The following IPP variants were observed in gnomAD, a reference collection of about 807,000 sequenced individuals.
IPP encodes the protein intracisternal A particle-promoted polypeptide.
A neutral mutation model predicts 64.1 loss-of-function variants in IPP; 41 were observed. The observed-to-expected ratio is 0.64, with a 90% CI of 0.50 to 0.83. The LOEUF (loss-of-function observed/expected upper bound fraction) is 0.83. IPP is among the 40% of genes least tolerant of loss of function. The pLI, the probability that IPP is intolerant of heterozygous loss-of-function variation, is 0.00. For missense variants in IPP, 649 were observed against 703.0 expected, an observed-to-expected ratio of 0.92 and a Z score of 0.87; for synonymous variants, 214 against 235.2, an observed-to-expected ratio of 0.91 and a Z score of 0.83.
intron 5 of IPP, among the ~76,000 whole-genome samples, chr1:45,721,776 A>T (rs1465613958): frequency 1.3e-5 from 2 of 152,234 alleles, no homozygotes; most frequent in African/African-American, 2.4e-5. Flanking sequence ...GAAAGAAGAA[A>T]TCCGGCTGGG....
chr1:45,741,628 T>TAAGTCAC (rs1307150264), intron 2 of IPP, among the ~76,000 whole-genome samples: 3 of 96,432 alleles, frequency 3.1e-5, no homozygotes, highest in African/African-American at 5.3e-5. Context: ...ATTTTCTTTT[T>TAAGTCAC]TTTTTTTTTT....
chr1:45,725,085 C>T lies in IPP; in HGVS notation c.1048+2546G>A, dbSNP rs1268750131. On this transcript the variant is annotated intron_variant, in intron 5 of 8. Coordinates refer to ENST00000396478, the MANE Select transcript of IPP (RefSeq NM_005897.3). ...GAGGTGGGGGGGTCAGCCCCCCGCC[C>T]GGCCAGCCGCCCCGTCCGGGAGGGG... Among the ~76,000 whole-genome samples, 5 of 144,200 alleles carry T rather than the reference C, an allele frequency of 3.5e-5. No individual in the cohort carries two copies. The South Asian group carries it at 6.8e-4, about 20-fold the overall frequency. The allele number at this position is 144,200 out of a possible 152,430, so 94.6% of individuals were successfully genotyped here. A position where few individuals can be genotyped will look rare whatever the true frequency, so the allele number is the denominator to read the frequency against.
chr1:45,714,659 G>GTTA (rs1164182131), intron 7 of IPP, among the ~76,000 whole-genome samples, 193 bp from the exon 8 acceptor site: 6 of 152,102 alleles, frequency 3.9e-5, no homozygotes, highest in Non-Finnish European at 7.4e-5. Context: ...AAAATTAGTG[G>GTTA]AATTAATTTA....
chr1:45,734,518 G>T (rs950074436), intron 3 of IPP, among the ~76,000 whole-genome samples: 1 of 151,926 alleles, frequency 6.6e-6, no homozygotes, highest in Non-Finnish European at 1.5e-5. Context: ...GCACACTGCA[G>T]CCTCAAACTC....
At position 45,699,348 on chromosome 1, in the gene IPP, G is replaced by A. The variant is rs1052103777; in HGVS notation, c.*618C>T. On this transcript the variant is annotated 3_prime_UTR_variant, in exon 9 of 9. Transcript: ENST00000396478. ...TCAAACTATGGCCATGGAAAATTAT[G>A]CTCTGGATATAATTGTGAATATAGA... 7 of 984,504 alleles carry A rather than the reference G, an allele frequency of 7.1e-6. No homozygotes were observed. The South Asian group carries it at 2.4e-4, about 33-fold the overall frequency. The allele number at this position is 984,504 out of a possible 1,614,324, so 61.0% of individuals were successfully genotyped here. A position where few individuals can be genotyped will look rare whatever the true frequency, so the allele number is the denominator to read the frequency against.
chr1:45,720,503 T>G (rs1645718021), intron 5 of IPP, among the ~76,000 whole-genome samples: 1 of 152,178 alleles, frequency 6.6e-6, no homozygotes, highest in African/African-American at 2.4e-5. Context: ...AAAAAATCCA[T>G]TTTTTAATAG....
At chr1:45,707,380 G>T (rs1009149711) in intron 8 of IPP, among the ~76,000 whole-genome samples, 3 of 132,632 alleles carry the variant, frequency 2.3e-5, no homozygotes. Flanking sequence ...CCAAGATCGC[G>T]CCACTGCACT....
rs1038858079 is a variant in IPP, at chr1:45,699,496, C to G, written c.*470G>C. Reference sequence around the variant, plus strand: ...CCAGGAAGCTTCTAGTAAATAATTTCTACAAATTTGTAAAATAGGAGTTGT... The same window carrying G: ...CCAGGAAGCTTCTAGTAAATAATTTGTACAAATTTGTAAAATAGGAGTTGT... On this transcript the variant is annotated 3_prime_UTR_variant, in exon 9 of 9. Transcript: ENST00000396478. 3 of 988,020 alleles carry G rather than the reference C, an allele frequency of 3.0e-6. No homozygotes were observed. In the South Asian group the frequency reaches 1.4e-4, roughly 46 times the overall value. The allele number at this position is 988,020 out of a possible 1,614,324, so 61.2% of individuals were successfully genotyped here.
Position 45,717,023 on chromosome 1 carries a change from A to G in IPP, c.1187-6T>C, listed in dbSNP as rs1416014894. 1.2e-6 allele frequency: 2 copies of G among 1,609,726 alleles called. No individual in the cohort carries two copies. The highest frequency in any genetic ancestry group is 2.2e-5 in the East Asian group (1 of 44,806). On this transcript the variant is annotated splice_region_variant and splice_polypyrimidine_tract_variant and intron_variant, in intron 6 of 8. Coordinates refer to ENST00000396478, the MANE Select transcript of IPP (RefSeq NM_005897.3). ...CTCAGCTCCAACCCATCCACCTGTA[A>G]TGAAATAGAAAAATGTTTGTTTCCG...
chr1:45,731,883 C>G (rs1179787515), intron 3 of IPP, among the ~76,000 whole-genome samples: 1 of 150,924 alleles, frequency 6.6e-6, no homozygotes, highest in Non-Finnish European at 1.5e-5. Context: ...TTGCGGTGAG[C>G]CAATATCACG....
chr1:45,701,362 A>G (rs941607609), intron 8 of IPP, among the ~76,000 whole-genome samples: 6 of 151,704 alleles, frequency 4.0e-5, no homozygotes, highest in African/African-American at 1.5e-4. Flanking sequence ...ATCTTGGCTC[A>G]CTGCAACCTC....
chr1:45,735,233 G>A (rs1482552807), intron 3 of IPP, among the ~76,000 whole-genome samples: 3 of 151,110 alleles, frequency 2.0e-5, no homozygotes, highest in African/African-American at 4.9e-5. Context: ...ACAGGCACAT[G>A]CCACCACGCC....
At position 45,741,342 on chromosome 1, in the gene IPP, T is replaced by C. The variant is rs191063410; in HGVS notation, c.293-10A>G. On this transcript the variant is annotated splice_polypyrimidine_tract_variant and intron_variant, in intron 2 of 8. Coordinates refer to ENST00000396478, the MANE Select transcript of IPP (RefSeq NM_005897.3). ...CCTATGTTCACTATACCTAGAGAAG[T>C]AGGAAGACAAAATGGCCAATAAAAT... The C allele has an allele frequency of 1.2e-3, 1,844 of 1,556,506 alleles. No homozygotes were observed. The highest frequency in any genetic ancestry group is 1.5e-3 in the Non-Finnish European group (1,737 of 1,147,348).
At chr1:45,701,886 G>T (rs1645459908) in intron 8 of IPP, among the ~76,000 whole-genome samples, 1 of 152,176 alleles carries the variant, frequency 6.6e-6, no homozygotes, top group African/African-American at 2.4e-5. Flanking sequence ...GTGTATGTTT[G>T]CTGATGTGAA....
intron 4 of IPP, 42 bp from the exon 5 acceptor site, chr1:45,727,840 C>T (rs778423070): frequency 9.3e-6 from 13 of 1,403,062 alleles, no homozygotes; most frequent in South Asian, 1.6e-5. Context: ...ATCTACTGTT[C>T]TACATCTAAA....
chr1:45,728,126 CTGTGTGTGTGTGTGTGTGTGTGTGTG>C (rs371114917), intron 4 of IPP, among the ~76,000 whole-genome samples: 4 of 132,234 alleles, frequency 3.0e-5, no homozygotes, highest in Non-Finnish European at 6.5e-5. Context: ...GAGTTGAAAG[CTGTGTGTGTGTGTGTGTGTGTGTGTG>C]TGTGTGTGTG....
chr1:45,702,329 A>G (rs1001518666), intron 8 of IPP, among the ~76,000 whole-genome samples: 4 of 152,026 alleles, frequency 2.6e-5, no homozygotes, highest in Admixed American at 6.6e-5. Context: ...AAAACTCTGT[A>G]AGAACACTAA....
intron 1 of IPP, among the ~76,000 whole-genome samples, chr1:45,748,709 C>T (rs924252430): frequency 6.6e-6 from 1 of 151,978 alleles, no homozygotes; most frequent in South Asian, 2.1e-4. Context: ...CGGTGACTCA[C>T]GCCTTTAATC....
intron 5 of IPP, among the ~76,000 whole-genome samples, chr1:45,725,976 AG>A (rs1428827431): frequency 4.2e-5 from 6 of 141,864 alleles, no homozygotes; most frequent in South Asian, 2.3e-4. Context: ...TCCTCTGCCT[AG>A]GAAAACCAGA....
Sources: allele counts gnomAD v4.1 joint callset (sites outside exome capture counted in the v4.1 genomes callset), GRCh38; gene constraint gnomAD v4.1.1; transcripts MANE v1.5; gene names NCBI Gene and HGNC (gene_info 2026-07-23, HGNC 2026-07-21).